The following FLT1 variants were observed in gnomAD, a reference collection of about 807,000 sequenced individuals.
FLT1 encodes the protein fms related receptor tyrosine kinase 1.
FLT1 carries 49 observed loss-of-function variants against 156.3 expected under a neutral mutation model. That is an observed-to-expected ratio of 0.31 (90% CI 0.25 to 0.40). The LOEUF is 0.40. FLT1 is among the 10% of genes least tolerant of loss of function. The pLI, the probability that FLT1 is intolerant of heterozygous loss-of-function variation, is 1.00. For synonymous variants in FLT1, 594 were observed against 583.8 expected (o/e 1.02, Z -0.25); for missense variants, 1,322 against 1,637.2 (o/e 0.81, Z 3.32).
chr13:28,306,220 A>G (rs1468968102), intron 29 of FLT1, among the ~76,000 whole-genome samples: 2 of 152,202 alleles, frequency 1.3e-5, no homozygotes, highest in African/African-American at 4.8e-5. Context: ...GGGTGCCAGG[A>G]TGAAATGGGA....
rs1189517941 is a variant in FLT1 at position 28,300,863 on chromosome 13, T to C, written c.*2304A>G. On this transcript the variant is annotated 3_prime_UTR_variant, in exon 30 of 30. Coordinates refer to ENST00000282397, the MANE Select transcript of FLT1 (RefSeq NM_002019.4). ...AATGATTGGAATATTATCAGTTAAT[T>C]CATGTTTCAATTTTCAGTGCTATTT... 1 of 233,142 alleles carries C rather than the reference T, an allele frequency of 4.3e-6. No homozygotes were observed. Among genetic ancestry groups the C allele is most frequent in the Non-Finnish European group, 8.5e-6 (1 of 118,046 alleles). The allele number at this position is 233,142 out of a possible 1,614,324, so 14.4% of individuals were successfully genotyped here. A position where few individuals can be genotyped will look rare whatever the true frequency, so the allele number is the denominator to read the frequency against.
intron 1 of FLT1, among the ~76,000 whole-genome samples, chr13:28,483,614 A>G (rs1395184699): frequency 1.3e-5 from 2 of 152,132 alleles, no homozygotes; most frequent in East Asian, 3.9e-4. Flanking sequence ...GGAAAACGCT[A>G]TTTTCTCCTT....
intron 1 of FLT1, among the ~76,000 whole-genome samples, chr13:28,473,827 A>G (rs144283651): frequency 0.025 from 2,830 of 113,708 alleles, 75 homozygotes; most frequent in South Asian, 0.033. Flanking sequence ...AGAAAGAAAG[A>G]AAGAAAGAAA....
At chr13:28,400,387 CAT>C (rs1366701672) in intron 11 of FLT1, among the ~76,000 whole-genome samples, 1 of 152,142 alleles carries the variant, frequency 6.6e-6, no homozygotes, top group African/African-American at 2.4e-5. Flanking sequence ...TAAGGTGAAA[CAT>C]ATCCTATGAT....
At chr13:28,312,581 G>A (rs868461990) in intron 25 of FLT1, among the ~76,000 whole-genome samples, 1 of 151,838 alleles carries the variant, frequency 6.6e-6, no homozygotes, top group Non-Finnish European at 1.5e-5. Context: ...TTTCATTCTC[G>A]AGTTGTAACA....
rs1354630347 is a variant in FLT1, at chr13:28,306,659, A to C, written c.3815+19T>G. On this transcript the variant is annotated intron_variant, in intron 29 of 29. Transcript: ENST00000282397. ...TACCCCTCCATCAACTGATCACAGA[A>C]AAGATACCCAATTCTTACTCAATCT... The C allele has an allele frequency of 6.4e-7, 1 of 1,572,470 alleles. No individual in the cohort carries two copies.
intron 15 of FLT1, among the ~76,000 whole-genome samples, chr13:28,355,459 A>T (rs986804383): frequency 6.6e-6 from 1 of 152,238 alleles, no homozygotes; most frequent in Non-Finnish European, 1.5e-5. Flanking sequence ...GAAGAGAAGC[A>T]TATCAACGCC....
intron 20 of FLT1, among the ~76,000 whole-genome samples, chr13:28,324,105 C>G (rs1227739386): frequency 6.6e-6 from 1 of 152,162 alleles, no homozygotes; most frequent in Non-Finnish European, 1.5e-5. Context: ...GTTGTCAGTT[C>G]TGGGTGTTCA....
chr13:28,398,657 A>G (rs1034140983), intron 11 of FLT1, among the ~76,000 whole-genome samples: 1 of 152,148 alleles, frequency 6.6e-6, no homozygotes, highest in Non-Finnish European at 1.5e-5. Flanking sequence ...ACACCTACCC[A>G]TATACTCCCT....
At chr13:28,450,915 G>T (rs369113476) in intron 3 of FLT1, among the ~76,000 whole-genome samples, 1 of 152,154 alleles carries the variant, frequency 6.6e-6, no homozygotes, top group East Asian at 1.9e-4. Context: ...TGACTCAAGC[G>T]TGACAATTAC....
chr13:28,317,209 T>G (rs892928292), intron 25 of FLT1, among the ~76,000 whole-genome samples: 2 of 152,216 alleles, frequency 1.3e-5, no homozygotes, highest in African/African-American at 4.8e-5. Flanking sequence ...GATTCATACC[T>G]AGAAACTGAA....
At chr13:28,489,115 CAA>C (rs1299584849) in intron 1 of FLT1, among the ~76,000 whole-genome samples, 1 of 152,146 alleles carries the variant, frequency 6.6e-6, no homozygotes, top group Non-Finnish European at 1.5e-5. Context: ...GACAGTTTCT[CAA>C]AGAGTTGAAA....
intron 14 of FLT1, among the ~76,000 whole-genome samples, chr13:28,372,084 T>A (rs1873627107): frequency 9.2e-6 from 1 of 108,368 alleles, no homozygotes; most frequent in African/African-American, 3.9e-5. Flanking sequence ...ATATTTTTTT[T>A]TTTTTTTTTT....
intron 20 of FLT1, among the ~76,000 whole-genome samples, chr13:28,323,508 G>A (rs950784224): frequency 2.0e-5 from 3 of 151,928 alleles, no homozygotes; most frequent in South Asian, 2.1e-4. Context: ...AAAATTAGCC[G>A]GGCATGGTGG....
intron 11 of FLT1, among the ~76,000 whole-genome samples, chr13:28,397,485 C>G (rs934509327): frequency 2.0e-5 from 3 of 152,122 alleles, no homozygotes; most frequent in Non-Finnish European, 2.9e-5. Flanking sequence ...ATAACAGGAG[C>G]CTTCTCTGCT....
chr13:28,427,119 A>AAAGTATT, intron 10 of FLT1, 40 bp downstream of exon 10: 2 of 1,584,412 alleles, frequency 1.3e-6, no homozygotes, highest in South Asian at 2.2e-5. Context: ...CAGGTGTCAA[A>AAAGTATT]AAGTATTTGA....
intron 11 of FLT1, among the ~76,000 whole-genome samples, chr13:28,401,849 A>G (rs561044280): frequency 1.3e-5 from 2 of 152,206 alleles, no homozygotes; most frequent in Non-Finnish European, 2.9e-5. Context: ...GTACACTCAG[A>G]AGGATTTCAA....
In FLT1 at chr13:28,326,822, G is replaced by T. The variant is rs144169369; in HGVS notation, c.2796+640C>A. On this transcript the variant is annotated intron_variant, in intron 20 of 29. Transcript: ENST00000282397. ...TTACAGGCGTAAGCCACCGTGCCTG[G>T]CCCAATAATCTCTTTTAAACCTTGT... Among the ~76,000 whole-genome samples, 275 of 152,292 alleles carry T rather than the reference G, an allele frequency of 1.8e-3. 1 individual carries two copies. The highest frequency in any genetic ancestry group is 1.9e-3 in the Non-Finnish European group (131 of 68,030).
At chr13:28,449,687 C>T (rs139931385) in intron 3 of FLT1, among the ~76,000 whole-genome samples, 243 of 152,234 alleles carry the variant, frequency 1.6e-3, no homozygotes, top group African/African-American at 5.6e-3. Flanking sequence ...ACTCAAGATG[C>T]CATTCTGAAA....
Sources: gnomAD v4.1 joint callset for allele counts (sites outside exome capture counted in the v4.1 genomes callset) on GRCh38, gnomAD v4.1.1 for gene constraint, MANE v1.5 for transcripts, NCBI Gene and HGNC (gene_info 2026-07-23, HGNC 2026-07-21) for gene names.